The following BARD1 variants were observed in gnomAD, a reference collection of about 807,000 sequenced individuals.
BARD1 encodes BRCA1-associated RING domain protein 1.
Under a neutral mutation model 77.0 loss-of-function variants are expected in BARD1, and 73 were observed. That is an observed-to-expected ratio of 0.95 (90% CI 0.79 to 1.15). The LOEUF (loss-of-function observed/expected upper bound fraction) is 1.15, where lower values mean the gene tolerates loss of function less well. BARD1 is among the 50% of genes most tolerant of loss of function. The probability of loss-of-function intolerance (pLI) is 0.00; values close to 1 mark genes in which losing one functional copy is unlikely to be tolerated. For synonymous variants in BARD1, 384 were observed against 338.0 expected, an observed-to-expected ratio of 1.14 and a Z score of -1.49; for missense variants, 993 against 938.8, an observed-to-expected ratio of 1.06 and a Z score of -0.75.
intron 2 of BARD1, chr2:214,796,816 C>T (rs1695773999): frequency 1.0e-5 from 5 of 490,684 alleles, no homozygotes; most frequent in East Asian, 3.3e-5. Flanking sequence ...TTTTTTCCTC[C>T]AATTTGGCAA....
chr2:214,792,087 G>A (rs1262650636), intron 3 of BARD1, among the ~76,000 whole-genome samples: 1 of 150,282 alleles, frequency 6.7e-6, no homozygotes, highest in Non-Finnish European at 1.5e-5. Context: ...GAGGTGGGGG[G>A]AATCCCTTGA....
intron 6 of BARD1, among the ~76,000 whole-genome samples, chr2:214,753,342 C>T (rs939581379): frequency 2.0e-5 from 3 of 152,172 alleles, no homozygotes; most frequent in Non-Finnish European, 4.4e-5. Flanking sequence ...CTTCTGTCTA[C>T]TATTCTGTTT....
rs765629130 is a variant in BARD1, at chr2:214,781,050, A to G, written c.824T>C (p.Leu275Ser). Residue 275 changes from leucine to serine, a missense_variant, in exon 4 of 11, where the codon TTA becomes TCA. Leu to Ser is a moderately radical substitution (Grantham distance 145, BLOSUM62 -2). Transcript: ENST00000260947. ...SLTESECFGS[L>S]TEVSLPLAEQ... is the part of the protein sequence containing the mutation. ...AGCCAATGGTAAAGAGACTTCAGTT[A>G]AACTTCCAAAACATTCAGATTCTGT... 1 of 1,606,190 alleles carries G rather than the reference A, an allele frequency of 6.2e-7. No homozygotes were observed. The highest frequency in any genetic ancestry group is 1.1e-5 in the South Asian group (1 of 89,140).
intron 7 of BARD1, among the ~76,000 whole-genome samples, chr2:214,751,999 G>C (rs536358287): frequency 1.1e-3 from 163 of 152,272 alleles, no homozygotes; most frequent in Middle Eastern, 3.4e-3. Context: ...ATTCAAATCA[G>C]TGCTTTAAGG....
chr2:214,786,783 T>C (rs960764683), intron 3 of BARD1, among the ~76,000 whole-genome samples: 1 of 152,054 alleles, frequency 6.6e-6, no homozygotes, highest in African/African-American at 2.4e-5. Flanking sequence ...ACATAAACTT[T>C]TAAATATCAT....
chr2:214,736,489 CA>C (rs1692570707), intron 9 of BARD1, among the ~76,000 whole-genome samples: 1 of 152,080 alleles, frequency 6.6e-6, no homozygotes, highest in Non-Finnish European at 1.5e-5. Context: ...AAGGACTGAA[CA>C]TTCTTATGAT....
intron 4 of BARD1, among the ~76,000 whole-genome samples, chr2:214,777,994 G>C (rs974120681): frequency 6.6e-6 from 1 of 152,120 alleles, no homozygotes; most frequent in Admixed American, 6.5e-5. Context: ...TGAGGAGTTC[G>C]AGACCAGCCT....
At chr2:214,739,223 T>C (rs1475557712) in intron 9 of BARD1, among the ~76,000 whole-genome samples, 1 of 152,072 alleles carries the variant, frequency 6.6e-6, no homozygotes, top group Non-Finnish European at 1.5e-5. Flanking sequence ...TTAACCACTT[T>C]TAGTCAATAC....
intron 8 of BARD1, 53 bp from the exon 9 acceptor site, chr2:214,745,212 C>A: frequency 6.8e-7 from 1 of 1,472,216 alleles, no homozygotes; most frequent in Non-Finnish European, 9.5e-7. Flanking sequence ...CAAAGTATTT[C>A]TTTGGCCTGC....
rs868842023 is a variant in BARD1, at chr2:214,727,938, A to G, written c.*738T>C. ...ATGTGTTAGAGAAAATGCTCTAAGT[A>G]TATATACACATGTAGTAGATAAACA... On this transcript the variant is annotated 3_prime_UTR_variant, in exon 11 of 11. Transcript: ENST00000260947. The G allele has an allele frequency of 1.5e-4, 32 of 215,742 alleles. No homozygotes were observed. The Middle Eastern group carries it at 7.2e-3, about 49-fold the overall frequency. 13.4% of individuals were successfully genotyped at this position (215,742 alleles called of 1,614,324 possible).
At chr2:214,743,442 G>A (rs757011156) in intron 9 of BARD1, among the ~76,000 whole-genome samples, 1 of 152,096 alleles carries the variant, frequency 6.6e-6, no homozygotes, top group African/African-American at 2.4e-5. Flanking sequence ...AATAATTATA[G>A]TCACAGGAAG....
chr2:214,806,969 C>G (rs1162260852), intron 1 of BARD1, among the ~76,000 whole-genome samples: 1 of 151,442 alleles, frequency 6.6e-6, no homozygotes, highest in Non-Finnish European at 1.5e-5. Context: ...AAGACTTTAT[C>G]GACAGTTTAG....
chr2:214,797,011 T>C (rs1007875194), intron 2 of BARD1, 50 bp downstream of exon 2: 7 of 1,354,462 alleles, frequency 5.2e-6, no homozygotes, highest in South Asian at 1.2e-5. Flanking sequence ...ATGATTGTTA[T>C]CTAGTAAAAA....
intron 9 of BARD1, among the ~76,000 whole-genome samples, chr2:214,739,985 C>G (rs1299002837): frequency 6.6e-6 from 1 of 151,862 alleles, no homozygotes; most frequent in African/African-American, 2.4e-5. Flanking sequence ...AATTCTAAGA[C>G]CTTGTATTAT....
At chr2:214,771,056 GGAA>G (rs1374611011) in intron 4 of BARD1, among the ~76,000 whole-genome samples, 3 of 152,204 alleles carry the variant, frequency 2.0e-5, no homozygotes, top group Non-Finnish European at 2.9e-5. Flanking sequence ...TCAGGCTTTA[GGAA>G]GAAGGAGGCA....
Position 214,727,345 on chromosome 2 carries a change from T to C in BARD1, c.*1331A>G, listed in dbSNP as rs1399806605. 4.3e-6 allele frequency: 1 copy of C among 231,744 alleles called. No homozygotes were observed. The highest frequency in any genetic ancestry group is 6.1e-5 in the East Asian group (1 of 16,348). The allele number at this position is 231,744 out of a possible 1,614,324, so 14.4% of individuals were successfully genotyped here. On this transcript the variant is annotated 3_prime_UTR_variant, in exon 11 of 11. Coordinates refer to ENST00000260947, the MANE Select transcript of BARD1 (RefSeq NM_000465.4). ...CTCACTATTTTAAAACTAGGGATAT[T>C]CTATTCTGGTAGTTATCAAACTGTC...
Position 214,793,780 on chromosome 2 carries a change from C to T in BARD1, c.216-1335G>A, listed in dbSNP as rs868469423. Among the ~76,000 whole-genome samples, 55 of 151,986 alleles carry T rather than the reference C, an allele frequency of 3.6e-4. 1 individual carries two copies. The highest frequency in any genetic ancestry group is 1.2e-3 in the African/African-American group (51 of 41,482). ...GAATTCTGAAAAAAATGTCATTTTT[C>T]GGTGGACCTGTATAGCTCAGTGAGT... On this transcript the variant is annotated intron_variant, in intron 2 of 10. Transcript: ENST00000260947.
chr2:214,791,964 T>C (rs1391909979), intron 3 of BARD1, among the ~76,000 whole-genome samples: 1 of 152,058 alleles, frequency 6.6e-6, no homozygotes, highest in Non-Finnish European at 1.5e-5. Context: ...CCTTGATTTC[T>C]CAACTATAAA....
At chr2:214,738,770 G>A (rs1016089951) in intron 9 of BARD1, among the ~76,000 whole-genome samples, 9 of 152,094 alleles carry the variant, frequency 5.9e-5, no homozygotes, top group African/African-American at 9.7e-5. Flanking sequence ...AGGAGGAGAC[G>A]ATTATTAACT....
Sources: allele counts gnomAD v4.1 joint callset (sites outside exome capture counted in the v4.1 genomes callset), GRCh38; gene constraint gnomAD v4.1.1; transcripts MANE v1.5; gene names NCBI Gene and HGNC (gene_info 2026-07-23, HGNC 2026-07-21).